The following FHL2 variants were observed in gnomAD, a reference collection of about 807,000 sequenced individuals.
FHL2 encodes the protein four and a half LIM domains protein 2.
In FHL2, 20 loss-of-function variants were observed where a neutral mutation model predicts 32.7. That is an observed-to-expected ratio of 0.61 (90% CI 0.43 to 0.89). The LOEUF (loss-of-function observed/expected upper bound fraction) is 0.89. Among genes scored for constraint, FHL2 ranks in the 40% least tolerant of loss-of-function variants. The pLI, the probability that FHL2 is intolerant of heterozygous loss-of-function variation, is 0.00. For missense variants in FHL2, 311 were observed against 358.6 expected (o/e 0.87, Z 1.07); for synonymous variants, 123 against 128.1 (o/e 0.96, Z 0.27).
At chr2:105,414,263 A>G (rs1427642521) in intron 1 of FHL2, among the ~76,000 whole-genome samples, 1 of 152,156 alleles carries the variant, frequency 6.6e-6, no homozygotes, top group African/African-American at 2.4e-5. Flanking sequence ...AACCATCCGG[A>G]CACCCATCTG....
At chr2:105,418,726 C>T (rs113330950) in intron 1 of FHL2, among the ~76,000 whole-genome samples, 15 of 152,172 alleles carry the variant, frequency 9.9e-5, no homozygotes, top group South Asian at 2.1e-4. Flanking sequence ...TCTCTTTCCA[C>T]GCTTTCAGTT....
At chr2:105,430,825 A>G (rs1684411052) in intron 1 of FHL2, among the ~76,000 whole-genome samples, 1 of 152,194 alleles carries the variant, frequency 6.6e-6, no homozygotes, top group South Asian at 2.1e-4. Context: ...ACTGCCCCAT[A>G]CAGAGGCCAA....
intron 6 of FHL2, 76 bp downstream of exon 6, chr2:105,363,209 A>G: frequency 6.9e-7 from 1 of 1,445,192 alleles, no homozygotes; most frequent in Non-Finnish European, 9.6e-7. Flanking sequence ...GGATATAGAC[A>G]GGGTCACAGG....
chr2:105,373,495 A>AGAGGAACGTGCAC (rs747441928), intron 4 of FHL2, 64 bp downstream of exon 4: 343 of 1,571,812 alleles, frequency 2.2e-4, no homozygotes, highest in Non-Finnish European at 2.9e-4. Flanking sequence ...ACAGGGGGTC[A>AGAGGAACGTGCAC]GAGGAACGTG....
chr2:105,386,756 CTTTTTTTTTTTTTTTT>C (rs11380471), intron 2 of FHL2, among the ~76,000 whole-genome samples: 3 of 48,924 alleles, frequency 6.1e-5, no homozygotes, highest in African/African-American at 9.3e-5. Flanking sequence ...ATGCATTCCA[CTTTTTTTTTTTTTTTT>C]TTTTTTTTTG....
intron 2 of FHL2, among the ~76,000 whole-genome samples, chr2:105,387,922 GC>G (rs1485027315): frequency 6.6e-6 from 1 of 152,188 alleles, no homozygotes; most frequent in Non-Finnish European, 1.5e-5. Flanking sequence ...ATACTATGCA[GC>G]CACAAAAAAG....
chr2:105,423,787 A>G (rs1009318636), intron 1 of FHL2, among the ~76,000 whole-genome samples: 4 of 152,234 alleles, frequency 2.6e-5, no homozygotes, highest in African/African-American at 9.6e-5. Context: ...AGGATTCCCA[A>G]TTATATAAAT....
intron 3 of FHL2, among the ~76,000 whole-genome samples, chr2:105,379,389 A>G (rs1488040821): frequency 6.6e-6 from 1 of 152,234 alleles, no homozygotes; most frequent in Non-Finnish European, 1.5e-5. Flanking sequence ...CAATGAGAAT[A>G]TCTGCCACCT....
At chr2:105,412,424 A>G (rs1683820448) in intron 1 of FHL2, among the ~76,000 whole-genome samples, 1 of 152,250 alleles carries the variant, frequency 6.6e-6, no homozygotes, top group Non-Finnish European at 1.5e-5. Context: ...GATGAATTCA[A>G]TTTTGACTTA....
intron 1 of FHL2, among the ~76,000 whole-genome samples, chr2:105,424,119 A>G (rs1324176682): frequency 8.1e-6 from 1 of 123,594 alleles, no homozygotes; most frequent in Non-Finnish European, 1.8e-5. Context: ...AATTTTTGCA[A>G]TCTAAGCCAT....
intron 3 of FHL2, among the ~76,000 whole-genome samples, chr2:105,380,662 G>GCAAA (rs1681825553): frequency 6.6e-6 from 1 of 152,152 alleles, no homozygotes; most frequent in African/African-American, 2.4e-5. Context: ...AACAGAGATA[G>GCAAA]CACTTCGATG....
At chr2:105,394,281 T>C (rs114149881) in intron 2 of FHL2, among the ~76,000 whole-genome samples, 1,527 of 152,058 alleles carry the variant, frequency 0.01, 26 homozygotes, top group African/African-American at 0.035. Context: ...ACTAGAATAA[T>C]GGATCAAGCC....
chr2:105,374,046 AAACATG>A (rs1192697325), intron 3 of FHL2: 2 of 383,766 alleles, frequency 5.2e-6, no homozygotes, highest in African/African-American at 4.1e-5. Flanking sequence ...GAGAAACAGA[AAACATG>A]AACACCTATC....
At chr2:105,374,516 G>A (rs995552013) in intron 3 of FHL2, 3 of 152,360 alleles carry the variant, frequency 2.0e-5, no homozygotes, top group African/African-American at 4.8e-5. Context: ...ACTGGGGGAC[G>A]GGTAAGGATG....
intron 1 of FHL2, among the ~76,000 whole-genome samples, chr2:105,418,686 G>A (rs148385732): frequency 1.1e-4 from 16 of 152,146 alleles, no homozygotes; most frequent in East Asian, 5.8e-4. Flanking sequence ...ATACAGTAGC[G>A]CCCTCCTCCC....
At chr2:105,368,657 C>T (rs1680806373) in intron 4 of FHL2, among the ~76,000 whole-genome samples, 1 of 152,194 alleles carries the variant, frequency 6.6e-6, no homozygotes, top group African/African-American at 2.4e-5. Flanking sequence ...CCCCTGCCAC[C>T]ACCAAGCTGG....
intron 1 of FHL2, among the ~76,000 whole-genome samples, chr2:105,425,944 G>A (rs10169460): frequency 0.068 from 10,310 of 152,166 alleles, 420 homozygotes; most frequent in East Asian, 0.21. Flanking sequence ...CCGGTCCCCT[G>A]GGCCCACTAT....
chr2:105,398,595 G>A (rs1178412205), intron 1 of FHL2, among the ~76,000 whole-genome samples: 2 of 152,212 alleles, frequency 1.3e-5, no homozygotes, highest in Admixed American at 1.3e-4. Flanking sequence ...GAGGACGCGG[G>A]CTGCAGTCCT....
At chr2:105,411,880 C>T (rs1683804095) in intron 1 of FHL2, among the ~76,000 whole-genome samples, 4 of 151,754 alleles carry the variant, frequency 2.6e-5, no homozygotes, top group Admixed American at 6.6e-5. Context: ...GTAGAGAGCC[C>T]GAGGGAAACT....
Sources: allele counts gnomAD v4.1 joint callset (sites outside exome capture counted in the v4.1 genomes callset), GRCh38; gene constraint gnomAD v4.1.1; transcripts MANE v1.5; gene names NCBI Gene and HGNC (gene_info 2026-07-23, HGNC 2026-07-21).